Variants in ADAMTS19 observed in about 807,000 individuals in gnomAD.
ADAMTS19 encodes A disintegrin and metalloproteinase with thrombospondin motifs 19.
ADAMTS19 carries 93 observed loss-of-function variants against 153.3 expected under a neutral mutation model. That is an observed-to-expected ratio of 0.61 (90% CI 0.51 to 0.72). The LOEUF is 0.72. ADAMTS19 is among the 30% of genes least tolerant of loss of function. ADAMTS19 has a pLI of 0.00. For missense variants in ADAMTS19, 1,482 were observed against 1,552.1 expected (o/e 0.95, Z 0.76); for synonymous variants, 600 against 556.6 (o/e 1.08, Z -1.10).
chr5:129,471,082 G>A (rs979513956), intron 2 of ADAMTS19, among the ~76,000 whole-genome samples: 2 of 87,272 alleles, frequency 2.3e-5, no homozygotes, highest in African/African-American at 8.7e-5. Flanking sequence ...GCGGTGGGAT[G>A]TATGGGGGCG....
intron 2 of ADAMTS19, among the ~76,000 whole-genome samples, chr5:129,467,818 C>T (rs1265054308): frequency 6.6e-6 from 1 of 152,218 alleles, no homozygotes; most frequent in Non-Finnish European, 1.5e-5. Context: ...AATACCTATT[C>T]CCCGGTTAGT....
chr5:129,563,455 G>T (rs1581089391), intron 7 of ADAMTS19, among the ~76,000 whole-genome samples: 1 of 152,090 alleles, frequency 6.6e-6, no homozygotes, highest in African/African-American at 2.4e-5. Context: ...GTGTAATTAA[G>T]TATTCAAGGG....
At chr5:129,733,938 TGTGTGC>T (rs1224761300) in intron 21 of ADAMTS19, among the ~76,000 whole-genome samples, 2 of 116,408 alleles carry the variant, frequency 1.7e-5, no homozygotes, top group African/African-American at 6.8e-5. Flanking sequence ...ATAAAGCAAG[TGTGTGC>T]GTGTGTGTGT....
chr5:129,474,288 T>A (rs1006879033), intron 2 of ADAMTS19, among the ~76,000 whole-genome samples: 1 of 152,160 alleles, frequency 6.6e-6, no homozygotes, highest in Non-Finnish European at 1.5e-5. Context: ...CCACATTTTG[T>A]TTATTCATTC....
At chr5:129,609,585 G>A (rs551892006) in intron 8 of ADAMTS19, among the ~76,000 whole-genome samples, 22 of 152,144 alleles carry the variant, frequency 1.4e-4, no homozygotes, top group Non-Finnish European at 2.1e-4. Context: ...CCACTAGCAC[G>A]GCTTTCGTAT....
intron 2 of ADAMTS19, among the ~76,000 whole-genome samples, chr5:129,508,667 G>T (rs548937790): frequency 1.8e-4 from 28 of 152,066 alleles, no homozygotes; most frequent in African/African-American, 6.7e-4. Flanking sequence ...TATGTTATAT[G>T]AATTACTTTA....
chr5:129,495,297 T>C (rs1750892988), intron 2 of ADAMTS19, among the ~76,000 whole-genome samples: 1 of 152,052 alleles, frequency 6.6e-6, no homozygotes, highest in South Asian at 2.1e-4. Context: ...CCAGAGACAT[T>C]TTTCATTCAA....
chr5:129,624,126 CAAAAAA>C (rs765901844), intron 10 of ADAMTS19, among the ~76,000 whole-genome samples: 2 of 26,814 alleles, frequency 7.5e-5, no homozygotes, highest in African/African-American at 1.3e-4. Flanking sequence ...GGCTCAGTCT[CAAAAAA>C]AAAAAAAAAA....
intron 14 of ADAMTS19, among the ~76,000 whole-genome samples, chr5:129,658,037 C>T (rs1001687982): frequency 6.6e-6 from 1 of 152,032 alleles, no homozygotes; most frequent in African/African-American, 2.4e-5. Context: ...ATCATCCTAA[C>T]AGTTTGGGAG....
intron 7 of ADAMTS19, among the ~76,000 whole-genome samples, chr5:129,554,092 A>C (rs1004798579): frequency 2.6e-5 from 4 of 152,174 alleles, no homozygotes; most frequent in Admixed American, 6.5e-5. Flanking sequence ...TCTAGAGATG[A>C]TTCGAAGTAT....
chr5:129,738,239 G>A lies in ADAMTS19; in HGVS notation c.*1021G>A, dbSNP rs773587917. The A allele has an allele frequency of 1.1e-4, 16 of 151,954 alleles. No homozygotes were observed. The highest frequency in any genetic ancestry group is 4.2e-4 in the South Asian group (2 of 4,818). 9.4% of individuals were successfully genotyped at this position (151,954 alleles called of 1,614,324 possible). On this transcript the variant is annotated 3_prime_UTR_variant, in exon 23 of 23. Coordinates refer to ENST00000274487, the MANE Select transcript of ADAMTS19 (RefSeq NM_133638.6). ...AAAAAGTTTTACAATTATGTGAAACGTTCAAAAGCCAGCTTAAAATTTTTC... is the reference window on the plus strand; with the variant it reads ...AAAAAGTTTTACAATTATGTGAAACATTCAAAAGCCAGCTTAAAATTTTTC...
intron 11 of ADAMTS19, among the ~76,000 whole-genome samples, chr5:129,646,106 T>C (rs1389854503): frequency 6.6e-6 from 1 of 151,264 alleles, no homozygotes; most frequent in Non-Finnish European, 1.5e-5. Context: ...GCCGGGATGG[T>C]CTCGATCTCC....
At position 129,622,250 on chromosome 5, in the gene ADAMTS19, GTGATGGTTCCCTCCAAGCTGCCAGGGA is replaced by G; in HGVS notation, c.1676_1702del (p.Met559_Met567del). The G allele has an allele frequency of 6.2e-7, 1 of 1,614,102 alleles. No homozygotes were observed. The highest frequency in any genetic ancestry group is 8.5e-7 in the Non-Finnish European group (1 of 1,180,002). On this transcript the variant is annotated inframe_deletion, in exon 10 of 23. Transcript: ENST00000274487. ...AACAAATCCGCAGAGTGTCAATTCT[GTGATGGTTCCCTCCAAGCTGCCAGGGA>G]TGACATACACTGCTGATGAACAATG...
At chr5:129,644,206 C>G (rs1454735259) in intron 11 of ADAMTS19, among the ~76,000 whole-genome samples, 2 of 152,134 alleles carry the variant, frequency 1.3e-5, no homozygotes, top group Non-Finnish European at 2.9e-5. Context: ...TTCTGTAATG[C>G]TTTGTATATT....
intron 2 of ADAMTS19, among the ~76,000 whole-genome samples, chr5:129,502,011 C>T (rs754318088): frequency 4.6e-5 from 7 of 151,758 alleles, no homozygotes; most frequent in South Asian, 2.1e-4. Flanking sequence ...TGAAGGGTGG[C>T]GGTGGACTAT....
At chr5:129,699,450 G>T (rs1755729220) in intron 19 of ADAMTS19, among the ~76,000 whole-genome samples, 1 of 150,658 alleles carries the variant, frequency 6.6e-6, no homozygotes. Context: ...AGAAAGACAT[G>T]TTTATCAAAA....
chr5:129,653,981 G>A (rs572433442), intron 13 of ADAMTS19, among the ~76,000 whole-genome samples: 1 of 152,194 alleles, frequency 6.6e-6, no homozygotes, highest in Non-Finnish European at 1.5e-5. Context: ...AAAAATATGA[G>A]CATAAAATTG....
chr5:129,461,006 G>A lies in ADAMTS19; in HGVS notation c.92-96G>A. 2 of 1,252,924 alleles carry A rather than the reference G, an allele frequency of 1.6e-6. No homozygotes were observed. The highest frequency in any genetic ancestry group is 2.0e-6 in the Non-Finnish European group (2 of 999,848). 77.6% of individuals were successfully genotyped at this position (1,252,924 alleles called of 1,614,324 possible). ...GGGTGGTCTCCATTGCATTCAACGC[G>A]AGCGCCCTGTATCTATGGACTGTGA... On this transcript the variant is annotated intron_variant, in intron 1 of 22. Coordinates refer to ENST00000274487, the MANE Select transcript of ADAMTS19 (RefSeq NM_133638.6). The surrounding 1 kb of genome is among the most constrained non-coding windows in gnomAD (Gnocchi z 4.6).
chr5:129,461,142 G>A lies in ADAMTS19; in HGVS notation c.132G>A (p.Val44=). 26 of 1,423,024 alleles carry A rather than the reference G, an allele frequency of 1.8e-5. No homozygotes were observed. Among genetic ancestry groups the A allele is most frequent in the Non-Finnish European group, 2.3e-5 (25 of 1,085,126 alleles). 88.1% of individuals were successfully genotyped at this position (1,423,024 alleles called of 1,614,324 possible). A position where few individuals can be genotyped will look rare whatever the true frequency, so the allele number is the denominator to read the frequency against. The change falls in exon 2 of 23, where the codon GTG becomes GTA. Residue 44 remains valine, a synonymous_variant. Coordinates refer to ENST00000274487, the MANE Select transcript of ADAMTS19 (RefSeq NM_133638.6). This position sits in a 1 kb window ranked among gnomAD's most constrained non-coding sequence, Gnocchi z 4.6. ...FAPDREEWEV[V]FPALWRREPV... is the part of the protein sequence containing the mutation. ...CCGACCGCGAGGAGTGGGAAGTCGT[G>A]TTTCCTGCGCTCTGGCGCCGGGAGC...
Sources: gnomAD v4.1 joint callset for allele counts (sites outside exome capture counted in the v4.1 genomes callset) on GRCh38, gnomAD v4.1.1 for gene constraint, Gnocchi (gnomAD v3.1) non-coding constraint, MANE v1.5 for transcripts, NCBI Gene and HGNC (gene_info 2026-07-23, HGNC 2026-07-21) for gene names.